Variants in FREM1 observed in about 807,000 individuals in gnomAD.
FREM1 encodes the protein FRAS1 related extracellular matrix 1, also known as FRAS1-related extracellular matrix protein 1.
In FREM1, 220 loss-of-function variants were observed where a neutral mutation model predicts 210.1. That is an observed-to-expected ratio of 1.05 (90% CI 0.94 to 1.17). FREM1 has a LOEUF of 1.17. Among genes scored for constraint, FREM1 ranks in the 50% most tolerant of loss-of-function variants. The pLI, the probability that FREM1 is intolerant of heterozygous loss-of-function variation, is 0.00. For synonymous variants in FREM1, 1,189 were observed against 980.2 expected, an observed-to-expected ratio of 1.21 and a Z score of -3.98; for missense variants, 3,454 against 2,675.5, an observed-to-expected ratio of 1.29 and a Z score of -6.42.
At chr9:14,740,430 G>T (rs1355777879) in intron 35 of FREM1, among the ~76,000 whole-genome samples, 196 bp from the exon 36 acceptor site, 1 of 152,186 alleles carries the variant, frequency 6.6e-6, no homozygotes, top group Non-Finnish European at 1.5e-5. Flanking sequence ...CAAAGAAAGT[G>T]ATGGTTTATT....
At chr9:14,796,124 G>C (rs142159816) in intron 21 of FREM1, among the ~76,000 whole-genome samples, 63 of 152,298 alleles carry the variant, frequency 4.1e-4, no homozygotes, top group African/African-American at 1.4e-3. Context: ...TGCTTTTTAA[G>C]AACCTTATCA....
intron 28 of FREM1, among the ~76,000 whole-genome samples, chr9:14,756,826 GA>G (rs1844466633): frequency 6.6e-6 from 1 of 152,170 alleles, no homozygotes; most frequent in Non-Finnish European, 1.5e-5. Context: ...AAAGGAGGGA[GA>G]AAATTGATGA....
At chr9:14,877,035 T>A (rs1341909050) in intron 1 of FREM1, among the ~76,000 whole-genome samples, 1 of 152,090 alleles carries the variant, frequency 6.6e-6, no homozygotes, top group Non-Finnish European at 1.5e-5. Flanking sequence ...ACTCCTGCAG[T>A]CCTCTTATCT....
Position 14,863,923 on chromosome 9 carries a change from G to T in FREM1, c.235-20C>A. 2 of 1,456,962 alleles carry T rather than the reference G, an allele frequency of 1.4e-6. No individual in the cohort carries two copies. The highest frequency in any genetic ancestry group is 9.6e-7 in the Non-Finnish European group (1 of 1,038,322). 90.3% of individuals were successfully genotyped at this position (1,456,962 alleles called of 1,614,324 possible). A position where few individuals can be genotyped will look rare whatever the true frequency, so the allele number is the denominator to read the frequency against. Reference sequence around the variant, plus strand: ...AAAGACCTAGTTCACATGAAGAATTGGATAAATATCTATGAGAAAATTGGT... The same window carrying T: ...AAAGACCTAGTTCACATGAAGAATTTGATAAATATCTATGAGAAAATTGGT... On this transcript the variant is annotated intron_variant, in intron 2 of 36. Transcript: ENST00000380880.
At position 14,784,401 on chromosome 9, in the gene FREM1, T is replaced by G. The variant is rs1455714154; in HGVS notation, c.4411A>C (p.Ser1471Arg). The G allele has an allele frequency of 2.5e-6, 4 of 1,613,792 alleles. No homozygotes were observed. The highest frequency in any genetic ancestry group is 2.5e-6 in the Non-Finnish European group (3 of 1,179,774). ...CTGTCACTGGAGACAGTCACCTTGC[T>G]CTTGTGTACATAGCAAACTGTCTGC... is the stretch of plus-strand genomic sequence containing the variant. ...VGQTVCYVHK[S>R]KVTVSSDRFR... The change falls in exon 24 of 37, where the codon AGC becomes CGC. Residue 1471 changes from serine (S) to arginine (R), a missense_variant. Coordinates refer to ENST00000380880, the MANE Select transcript of FREM1 (RefSeq NM_001379081.2).
At chr9:14,904,039 G>A (rs999297222) in intron 1 of FREM1, among the ~76,000 whole-genome samples, 2 of 149,914 alleles carry the variant, frequency 1.3e-5, no homozygotes, top group East Asian at 2.0e-4. Flanking sequence ...GGAGAATGGC[G>A]TGAACCTGGG....
intron 2 of FREM1, 145 bp from the exon 3 acceptor site, chr9:14,864,048 A>G: frequency 1.6e-6 from 1 of 623,068 alleles, no homozygotes; most frequent in East Asian, 2.8e-5. Flanking sequence ...CACCACCACC[A>G]CCTCTACCCT....
At chr9:14,790,545 A>T (rs145621166) in intron 22 of FREM1, 39 of 152,346 alleles carry the variant, frequency 2.6e-4, no homozygotes, top group African/African-American at 9.4e-4. Context: ...ACAGAAGAAG[A>T]CATCTTTTCC....
At chr9:14,776,380 T>C (rs935457942) in intron 24 of FREM1, 177 bp from the exon 25 acceptor site, 5 of 584,308 alleles carry the variant, frequency 8.6e-6, no homozygotes, top group African/African-American at 1.8e-5. Flanking sequence ...ACTAGAGTAA[T>C]GCATAAATGG....
rs144834318 is a variant in FREM1 at position 14,801,616 on chromosome 9, A to T, written c.3694+36T>A. 3.7e-4 allele frequency: 516 copies of T among 1,392,742 alleles called. 6 individuals are homozygous for T. In the East Asian group the frequency reaches 0.011, roughly 30 times the overall value. 86.3% of individuals were successfully genotyped at this position (1,392,742 alleles called of 1,614,324 possible). A position where few individuals can be genotyped will look rare whatever the true frequency, so the allele number is the denominator to read the frequency against. ...AAGTATGGGTTAAATTATTCAATCA[A>T]CAATAACAAATGCATGGAAGTGGAA... On this transcript the variant is annotated intron_variant, in intron 20 of 36. Coordinates refer to ENST00000380880, the MANE Select transcript of FREM1 (RefSeq NM_001379081.2).
intron 22 of FREM1, 134 bp from the exon 23 acceptor site, chr9:14,789,248 G>A (rs1850898404): frequency 1.8e-6 from 1 of 552,908 alleles, no homozygotes; most frequent in Non-Finnish European, 2.9e-6. Flanking sequence ...ACTACTTTTT[G>A]CCACTTTACC....
Position 14,819,348 on chromosome 9 carries a change from T to C in FREM1, c.2432A>G (p.Asn811Ser), listed in dbSNP as rs1286874825. ...LISDADTKLD[N>S]IDLSLRELPL... is the part of the protein sequence containing the mutation. ...CAATTCCCGCAGGGAGAGGTCAATATTGTCCAGCTTGGTATCTGCATCAGA... is the reference window on the plus strand; with the variant it reads ...CAATTCCCGCAGGGAGAGGTCAATACTGTCCAGCTTGGTATCTGCATCAGA... Residue 811 changes from asparagine (N) to serine (S), a missense_variant, in exon 14 of 37, where the codon AAT becomes AGT. By Grantham distance (46) the Asn-to-Ser change is conservative. Transcript: ENST00000380880. The C allele has an allele frequency of 1.2e-6, 2 of 1,613,704 alleles. No individual in the cohort carries two copies. The highest frequency in any genetic ancestry group is 1.7e-5 in the Admixed American group (1 of 59,990).
rs534296199 is a variant in FREM1, at chr9:14,783,938, A to C, written c.4442+432T>G. 1.2e-3 allele frequency among the ~76,000 whole-genome samples: 188 copies of C among 152,348 alleles called. 2 individuals are homozygous for C. The highest frequency in any genetic ancestry group is 8.4e-4 in the Non-Finnish European group (57 of 68,036). On this transcript the variant is annotated intron_variant, in intron 24 of 36. Coordinates refer to ENST00000380880, the MANE Select transcript of FREM1 (RefSeq NM_001379081.2). ...ACTAATAAATCCCTTTTCGTCAGAC[A>C]GAAAAACATACTCCAAAAAGAGGGA...
chr9:14,772,213 C>T (rs1847693736), intron 25 of FREM1, among the ~76,000 whole-genome samples: 1 of 152,002 alleles, frequency 6.6e-6, no homozygotes, highest in Non-Finnish European at 1.5e-5. Flanking sequence ...TTTTCTGTAT[C>T]TTGCAGAAAC....
chr9:14,864,151 G>A (rs1377699487), intron 2 of FREM1, among the ~76,000 whole-genome samples: 3 of 151,816 alleles, frequency 2.0e-5, no homozygotes, highest in Non-Finnish European at 4.4e-5. Flanking sequence ...AAGAAAATTA[G>A]TTAAGGGATG....
At chr9:14,759,981 A>G in intron 27 of FREM1, 80 bp from the exon 28 acceptor site, 1 of 1,210,778 alleles carries the variant, frequency 8.3e-7, no homozygotes. Flanking sequence ...GGACTAGTGG[A>G]AAAACGTGGT....
At chr9:14,805,238 A>G (rs1818156150) in intron 18 of FREM1, 86 bp from the exon 19 acceptor site, 1 of 678,894 alleles carries the variant, frequency 1.5e-6, no homozygotes, top group South Asian at 3.3e-5. Context: ...ATAATAGTCA[A>G]TTTCTCAGTA....
At chr9:14,773,735 T>C (rs1036096731) in intron 25 of FREM1, among the ~76,000 whole-genome samples, 2 of 152,088 alleles carry the variant, frequency 1.3e-5, no homozygotes, top group African/African-American at 4.8e-5. Context: ...ACAATAGCCA[T>C]GCTCTTTAAG....
intron 22 of FREM1, 139 bp from the exon 23 acceptor site, chr9:14,789,253 T>G (rs1850899565): frequency 1.8e-6 from 1 of 545,076 alleles, no homozygotes; most frequent in Admixed American, 3.5e-5. Flanking sequence ...TTTTTGCCAC[T>G]TTACCTGATT....
Sources: allele counts gnomAD v4.1 joint callset (sites outside exome capture counted in the v4.1 genomes callset), GRCh38; gene constraint gnomAD v4.1.1; transcripts MANE v1.5; gene names NCBI Gene and HGNC (gene_info 2026-07-23, HGNC 2026-07-21).